MYO16: variants seen among roughly 807,000 people sequenced by gnomAD.
The protein encoded by MYO16 is myosin XVI, also known as unconventional myosin-XVI.
MYO16 carries 94 observed loss-of-function variants against 205.3 expected under a neutral mutation model. That is an observed-to-expected ratio of 0.46 (90% CI 0.39 to 0.54). MYO16 has a LOEUF of 0.54. MYO16 is among the 20% of genes least tolerant of loss of function. The pLI, the probability that MYO16 is intolerant of heterozygous loss-of-function variation, is 0.00. For synonymous variants in MYO16, 988 were observed against 954.0 expected (o/e 1.04, Z -0.66); for missense variants, 2,315 against 2,387.5 (o/e 0.97, Z 0.63).
At chr13:108,750,713 G>A (rs1224371943) in intron 4 of MYO16, among the ~76,000 whole-genome samples, 3 of 152,024 alleles carry the variant, frequency 2.0e-5, no homozygotes, top group Non-Finnish European at 4.4e-5. Flanking sequence ...AGGCTGAGGC[G>A]GGGGAATCGT....
At chr13:109,152,442 G>A (rs776666826) in intron 32 of MYO16, among the ~76,000 whole-genome samples, 2 of 152,172 alleles carry the variant, frequency 1.3e-5, no homozygotes, top group African/African-American at 4.8e-5. Context: ...TTTCACTGAT[G>A]TAGTTGCAGC....
the MYO16 span, among the ~76,000 whole-genome samples, chr13:108,569,145 A>G: frequency 1.3e-5 from 2 of 151,984 alleles, no homozygotes; most frequent in African/African-American, 4.8e-5. Context: ...GCTAGTTTTG[A>G]TTCCTTGCAT....
At chr13:108,651,861 A>G (rs1460471475) in intron 1 of MYO16, among the ~76,000 whole-genome samples, 2 of 152,182 alleles carry the variant, frequency 1.3e-5, no homozygotes, top group African/African-American at 4.8e-5. Flanking sequence ...TCAACTATTT[A>G]TTGCTCTATA....
At chr13:108,994,048 C>A (rs539022689) in intron 21 of MYO16, among the ~76,000 whole-genome samples, 1 of 152,116 alleles carries the variant, frequency 6.6e-6, no homozygotes, top group Non-Finnish European at 1.5e-5. Flanking sequence ...ATGATGAATA[C>A]GTGCAAAACT....
intron 11 of MYO16, among the ~76,000 whole-genome samples, chr13:108,865,630 C>T (rs1370409805): frequency 6.6e-6 from 1 of 151,974 alleles, no homozygotes; most frequent in Non-Finnish European, 1.5e-5. Flanking sequence ...GGTACCTTTA[C>T]AACTGATGTT....
chr13:108,918,687 G>A (rs527557872), intron 16 of MYO16, among the ~76,000 whole-genome samples: 6 of 152,204 alleles, frequency 3.9e-5, no homozygotes, highest in African/African-American at 1.2e-4. Context: ...GCCTGTAATC[G>A]CAGCACTTTG....
chr13:108,834,015 T>G (rs1433553197), intron 9 of MYO16, among the ~76,000 whole-genome samples: 1 of 152,172 alleles, frequency 6.6e-6, no homozygotes, highest in Non-Finnish European at 1.5e-5. Flanking sequence ...AATTTCTTGT[T>G]GAATAAAATT....
chr13:108,505,461 T>A, the MYO16 span, among the ~76,000 whole-genome samples: 1 of 152,230 alleles, frequency 6.6e-6, no homozygotes, highest in South Asian at 2.1e-4. Context: ...TTTTTGTTCG[T>A]TTGTATATCT....
At position 108,807,409 on chromosome 13, in the gene MYO16, A is replaced by C. The variant is rs918528345; in HGVS notation, c.867+605A>C. On this transcript the variant is annotated intron_variant, in intron 7 of 34. Transcript: ENST00000457511. ...TCATATTGCGTGGGGAAGTTCTTTC[A>C]AACAAACAAGAACATTGTTTGTTTT... 4.6e-5 allele frequency among the ~76,000 whole-genome samples: 7 copies of C among 151,236 alleles called. No individual in the cohort carries two copies. In the South Asian group the frequency reaches 1.5e-3, roughly 32 times the overall value.
At chr13:108,681,280 C>A (rs758642325) in intron 2 of MYO16, among the ~76,000 whole-genome samples, 2 of 152,180 alleles carry the variant, frequency 1.3e-5, no homozygotes, top group Non-Finnish European at 2.9e-5. Context: ...GGGTCTTTCA[C>A]GTCTCCCTTC....
At chr13:109,122,633 G>A (rs146773101) in intron 29 of MYO16, among the ~76,000 whole-genome samples, 56 of 151,006 alleles carry the variant, frequency 3.7e-4, no homozygotes, top group African/African-American at 1.1e-3. Context: ...AGCCAAGATC[G>A]TGGAGATCAT....
At chr13:108,848,628 C>T (rs748834235) in intron 10 of MYO16, among the ~76,000 whole-genome samples, 26 of 151,980 alleles carry the variant, frequency 1.7e-4, no homozygotes, top group Non-Finnish European at 3.7e-4. Flanking sequence ...AGCAAAACCC[C>T]ATCTCTACAA....
At chr13:108,844,149 A>G (rs1034590890) in intron 9 of MYO16, among the ~76,000 whole-genome samples, 194 bp from the exon 10 acceptor site, 36 of 152,180 alleles carry the variant, frequency 2.4e-4, no homozygotes, top group African/African-American at 8.4e-4. Context: ...TTTTAAAATT[A>G]AAGTTGAATA....
At chr13:108,820,283 G>A (rs1412763910) in intron 7 of MYO16, 54 bp from the exon 8 acceptor site, 3 of 1,304,428 alleles carry the variant, frequency 2.3e-6, no homozygotes, top group Non-Finnish European at 2.2e-6. Flanking sequence ...ACTTACTGAT[G>A]TATCCTAGCT....
At chr13:108,599,585 A>G (rs1394909604) in intron 1 of MYO16, among the ~76,000 whole-genome samples, 2 of 152,212 alleles carry the variant, frequency 1.3e-5, no homozygotes, top group South Asian at 2.1e-4. Context: ...CGTACCATAT[A>G]GAAGAGCATC....
chr13:108,807,092 CTT>C (rs1363199826), intron 7 of MYO16, among the ~76,000 whole-genome samples: 1 of 152,118 alleles, frequency 6.6e-6, no homozygotes, highest in Non-Finnish European at 1.5e-5. Flanking sequence ...ATTATATAGA[CTT>C]CATATGCTTG....
intron 21 of MYO16, among the ~76,000 whole-genome samples, chr13:108,997,514 A>G (rs1236252915): frequency 6.6e-6 from 1 of 152,138 alleles, no homozygotes; most frequent in Non-Finnish European, 1.5e-5. Context: ...ACATTTGTTC[A>G]AAATAAAAGC....
chr13:108,808,299 G>GT (rs1887177142), intron 7 of MYO16, among the ~76,000 whole-genome samples: 2 of 67,570 alleles, frequency 3.0e-5, no homozygotes, highest in Admixed American at 3.9e-4. Context: ...CTTCTTCTTT[G>GT]CTTTTTTTTT....
intron 23 of MYO16, among the ~76,000 whole-genome samples, chr13:109,039,967 TA>T (rs1457467002): frequency 6.6e-6 from 1 of 151,946 alleles, no homozygotes; most frequent in Non-Finnish European, 1.5e-5. Flanking sequence ...AATACATAAA[TA>T]GCCAATATCA....
Sources: gnomAD v4.1 joint callset for allele counts (sites outside exome capture counted in the v4.1 genomes callset) on GRCh38, gnomAD v4.1.1 for gene constraint, MANE v1.5 for transcripts, NCBI Gene and HGNC (gene_info 2026-07-23, HGNC 2026-07-21) for gene names.